CDYL2: variants seen among roughly 807,000 people sequenced by gnomAD.
CDYL2 encodes the protein chromodomain Y like 2.
A neutral mutation model predicts 49.4 loss-of-function variants in CDYL2; 23 were observed. That is an observed-to-expected ratio of 0.47 (90% CI 0.34 to 0.66). CDYL2 has a LOEUF of 0.66. CDYL2 is among the 30% of genes least tolerant of loss of function. The probability of loss-of-function intolerance (pLI) is 0.01; values close to 1 mark genes in which losing one functional copy is unlikely to be tolerated. For synonymous variants in CDYL2, 360 were observed against 268.8 expected, an observed-to-expected ratio of 1.34 and a Z score of -3.32; for missense variants, 678 against 656.4, an observed-to-expected ratio of 1.03 and a Z score of -0.36.
intron 1 of CDYL2, among the ~76,000 whole-genome samples, chr16:80,763,084 C>T (rs1046090332): frequency 6.6e-6 from 1 of 152,134 alleles, no homozygotes; most frequent in Non-Finnish European, 1.5e-5. Context: ...GGCAGGATCA[C>T]TTGAGCCCAG....
At chr16:80,782,338 A>C (rs1329678439) in intron 1 of CDYL2, among the ~76,000 whole-genome samples, 6 of 151,944 alleles carry the variant, frequency 3.9e-5, no homozygotes, top group African/African-American at 1.2e-4. Context: ...AGGAGATTGA[A>C]TCAGTAATCA....
In CDYL2 at chr16:80,632,676, T is replaced by G. The variant is rs556928804; in HGVS notation, c.834+343A>C. 1.3e-4 allele frequency: 36 copies of G among 284,766 alleles called. No homozygotes were observed. In the East Asian group the frequency reaches 2.6e-3, roughly 20 times the overall value. 17.6% of individuals were successfully genotyped at this position (284,766 alleles called of 1,614,324 possible). ...GAATTATATCTGCGGCCAACAAATATGACATGCTGATGACAACAAAGTTTA... is the reference window on the plus strand; with the variant it reads ...GAATTATATCTGCGGCCAACAAATAGGACATGCTGATGACAACAAAGTTTA... On this transcript the variant is annotated intron_variant, in intron 3 of 6. Transcript: ENST00000570137.
chr16:80,770,058 A>C (rs1437207361), intron 1 of CDYL2, among the ~76,000 whole-genome samples: 1 of 152,196 alleles, frequency 6.6e-6, no homozygotes, highest in Non-Finnish European at 1.5e-5. Flanking sequence ...ACTGCAGAAA[A>C]CCGAATGTGT....
At chr16:80,777,118 G>T (rs567037076) in intron 1 of CDYL2, among the ~76,000 whole-genome samples, 1 of 151,928 alleles carries the variant, frequency 6.6e-6, no homozygotes, top group Admixed American at 6.6e-5. Context: ...CACCGTGCCC[G>T]GCATGTAAAA....
At chr16:80,779,758 T>C (rs1316115847) in intron 1 of CDYL2, among the ~76,000 whole-genome samples, 3 of 152,156 alleles carry the variant, frequency 2.0e-5, no homozygotes, top group African/African-American at 4.8e-5. Context: ...ATTGTATATA[T>C]GTAGTTAATA....
chr16:80,671,607 G>A (rs1909511642), intron 2 of CDYL2, among the ~76,000 whole-genome samples: 2 of 152,274 alleles, frequency 1.3e-5, no homozygotes, highest in Non-Finnish European at 2.9e-5. Context: ...TCAAAAGACA[G>A]GAGTGAACCA....
intron 1 of CDYL2, among the ~76,000 whole-genome samples, chr16:80,700,045 GAGACGGGGTTTCACCATGTT>G (rs1904292904): frequency 1.3e-5 from 2 of 152,106 alleles, no homozygotes; most frequent in Admixed American, 1.3e-4. Flanking sequence ...TTTTTTAGTA[GAGACGGGGTTTCACCATGTT>G]AGCCAGGATG....
intron 1 of CDYL2, among the ~76,000 whole-genome samples, chr16:80,757,364 A>G (rs951191805): frequency 5.9e-5 from 9 of 151,928 alleles, no homozygotes; most frequent in Non-Finnish European, 1.3e-4. Context: ...ACATAGCAAG[A>G]CCCTGTCTTT....
At chr16:80,711,160 G>A (rs550662663) in intron 1 of CDYL2, among the ~76,000 whole-genome samples, 2 of 152,346 alleles carry the variant, frequency 1.3e-5, no homozygotes, top group African/African-American at 4.8e-5. Context: ...GTGTTATTGG[G>A]TGAAAACCAG....
At position 80,690,618 on chromosome 16, in the gene CDYL2, C is replaced by T. The variant is rs538687409; in HGVS notation, c.25-5489G>A. ...TTGGCTCCAAATCCCATGCTCTCGG[C>T]GACCACATTATATACACCTCTCATC... On this transcript the variant is annotated intron_variant, in intron 1 of 6. Coordinates refer to ENST00000570137, the MANE Select transcript of CDYL2 (RefSeq NM_152342.4). 4.6e-5 allele frequency among the ~76,000 whole-genome samples: 7 copies of T among 152,270 alleles called. No individual in the cohort carries two copies. The South Asian group carries it at 1.2e-3, about 27-fold the overall frequency.
At chr16:80,644,793 A>G (rs988613892) in intron 2 of CDYL2, among the ~76,000 whole-genome samples, 3 of 152,204 alleles carry the variant, frequency 2.0e-5, no homozygotes, top group Admixed American at 2.0e-4. Flanking sequence ...AAACAGAGAT[A>G]CAGACCAATG....
intron 1 of CDYL2, among the ~76,000 whole-genome samples, chr16:80,797,291 A>G (rs573339604): frequency 6.6e-6 from 1 of 152,180 alleles, no homozygotes; most frequent in Non-Finnish European, 1.5e-5. Flanking sequence ...CCTCCAACCA[A>G]TGCTCATCCT....
chr16:80,717,448 A>G (rs565522548), intron 1 of CDYL2, among the ~76,000 whole-genome samples: 2 of 152,368 alleles, frequency 1.3e-5, no homozygotes, highest in South Asian at 4.1e-4. Context: ...GAACACAGCC[A>G]CTGCCACCAG....
chr16:80,768,795 T>G (rs374214451), intron 1 of CDYL2, among the ~76,000 whole-genome samples: 5 of 152,328 alleles, frequency 3.3e-5, no homozygotes, highest in Admixed American at 2.6e-4. Flanking sequence ...TGTACTAGCT[T>G]TGTAACTTAG....
At position 80,693,513 on chromosome 16, in the gene CDYL2, T is replaced by C. The variant is rs150742704; in HGVS notation, c.25-8384A>G. On this transcript the variant is annotated intron_variant, in intron 1 of 6. Transcript: ENST00000570137. ...ATACTAACAGGGGCTTAATTTGTCA[T>C]TTCCAAAAACTAGAAACAACTATAT... Among the ~76,000 whole-genome samples, 1,369 of 152,316 alleles carry C rather than the reference T, an allele frequency of 9.0e-3. 25 individuals are homozygous for C. The highest frequency in any genetic ancestry group is 0.031 in the African/African-American group (1,290 of 41,560).
intron 2 of CDYL2, among the ~76,000 whole-genome samples, chr16:80,675,334 G>C (rs969824324): frequency 6.6e-6 from 1 of 152,146 alleles, no homozygotes; most frequent in Admixed American, 6.5e-5. Context: ...CTATAAACAA[G>C]GTTGATCCCA....
chr16:80,764,673 T>C (rs962850213), intron 1 of CDYL2, among the ~76,000 whole-genome samples: 4 of 152,126 alleles, frequency 2.6e-5, no homozygotes, highest in African/African-American at 4.8e-5. Context: ...ATATATACTG[T>C]AGTGGTCATC....
At position 80,668,380 on chromosome 16, in the gene CDYL2, A is replaced by G. The variant is rs553282162; in HGVS notation, c.616+16158T>C. ...CAGATATATACATATCTATACCTAC[A>G]TACATGGAGAGAGAAAGAAATGGGA... On this transcript the variant is annotated intron_variant, in intron 2 of 6. Transcript: ENST00000570137. Among the ~76,000 whole-genome samples, 4 of 152,210 alleles carry G rather than the reference A, an allele frequency of 2.6e-5. No individual in the cohort carries two copies. In the South Asian group the frequency reaches 6.2e-4, roughly 24 times the overall value.
chr16:80,782,144 A>C (rs912613650), intron 1 of CDYL2, among the ~76,000 whole-genome samples: 2 of 152,020 alleles, frequency 1.3e-5, no homozygotes, highest in African/African-American at 4.8e-5. Flanking sequence ...AAAATGAAGA[A>C]GGCTCAATGA....
Sources: allele counts gnomAD v4.1 joint callset (sites outside exome capture counted in the v4.1 genomes callset), GRCh38; gene constraint gnomAD v4.1.1; transcripts MANE v1.5; gene names NCBI Gene and HGNC (gene_info 2026-07-23, HGNC 2026-07-21).